ESRRG: variants seen among roughly 807,000 people sequenced by gnomAD.
ESRRG encodes estrogen-related receptor gamma.
Under a neutral mutation model 44.0 loss-of-function variants are expected in ESRRG, and 13 were observed. The observed-to-expected ratio is 0.30, with a 90% CI of 0.19 to 0.47. The LOEUF (loss-of-function observed/expected upper bound fraction) is 0.47. Ranked by LOEUF, ESRRG falls within the 20% of genes least tolerant of loss-of-function variation. ESRRG has a pLI of 1.00. For missense variants in ESRRG, 395 were observed against 580.6 expected (o/e 0.68, Z 3.29); for synonymous variants, 215 against 214.6 (o/e 1.00, Z -0.02).
intron 5 of ESRRG, among the ~76,000 whole-genome samples, chr1:216,519,672 C>T (rs945454): frequency 0.52 from 79,109 of 151,690 alleles, 21,991 homozygotes; most frequent in East Asian, 0.72. Flanking sequence ...AGAGATGTCG[C>T]TTTCTTTCAT....
chr1:216,758,058 T>C (rs759519915), intron 2 of ESRRG, among the ~76,000 whole-genome samples: 13 of 152,090 alleles, frequency 8.5e-5, no homozygotes, highest in Non-Finnish European at 1.5e-4. Flanking sequence ...GATGACTTGA[T>C]TCCTTAATAT....
intron 3 of ESRRG, among the ~76,000 whole-genome samples, chr1:216,576,452 G>C (rs544397615): frequency 6.6e-6 from 1 of 151,610 alleles, no homozygotes; most frequent in African/African-American, 2.4e-5. Context: ...GAAGTCTTTC[G>C]TTTTGGTCTC....
At chr1:216,994,683 G>A (rs561529023) in intron 1 of ESRRG, among the ~76,000 whole-genome samples, 4 of 152,094 alleles carry the variant, frequency 2.6e-5, no homozygotes, top group Non-Finnish European at 4.4e-5. Flanking sequence ...CAGGGTTCAC[G>A]CCATTCTCCT....
At chr1:216,874,817 G>T (rs1386802051) in intron 2 of ESRRG, among the ~76,000 whole-genome samples, 1 of 152,156 alleles carries the variant, frequency 6.6e-6, no homozygotes, top group Non-Finnish European at 1.5e-5. Flanking sequence ...AATAAAGCAG[G>T]CAGGAGAAGA....
intron 1 of ESRRG, among the ~76,000 whole-genome samples, chr1:216,983,263 G>A (rs1006734074): frequency 1.1e-4 from 17 of 151,366 alleles, no homozygotes; most frequent in African/African-American, 2.2e-4. Context: ...ACAGGGTCTC[G>A]CTCTGTTACC....
chr1:217,053,133 TAAAAAA>T (rs71303007), intron 1 of ESRRG, among the ~76,000 whole-genome samples: 8 of 119,030 alleles, frequency 6.7e-5, no homozygotes, highest in East Asian at 5.2e-4. Context: ...AATCCCATCT[TAAAAAA>T]AAAAAAAAAA....
chr1:216,821,429 T>C (rs2095285063), intron 2 of ESRRG, among the ~76,000 whole-genome samples: 1 of 152,068 alleles, frequency 6.6e-6, no homozygotes, highest in Non-Finnish European at 1.5e-5. Flanking sequence ...CTCCTGTCTG[T>C]AATCCCAGGG....
intron 2 of ESRRG, among the ~76,000 whole-genome samples, chr1:216,833,260 G>T (rs563638751): frequency 6.6e-6 from 1 of 151,368 alleles, no homozygotes; most frequent in East Asian, 1.9e-4. Context: ...TGTTATAAAA[G>T]AATTATTCAA....
intron 1 of ESRRG, among the ~76,000 whole-genome samples, chr1:216,960,314 G>A (rs1421618363): frequency 6.6e-6 from 1 of 152,100 alleles, no homozygotes; most frequent in Non-Finnish European, 1.5e-5. Flanking sequence ...TAAATAATGA[G>A]CATTGCCAAA....
At chr1:217,093,355 C>G (rs1201450118), upstream of ESRRG, among the ~76,000 whole-genome samples, 1 of 151,976 alleles carries the variant, frequency 6.6e-6, no homozygotes, top group Non-Finnish European at 1.5e-5. Flanking sequence ...GAACACTCAG[C>G]CTGGAGTGAG....
chr1:216,997,694 C>T (rs1173228626), intron 1 of ESRRG, among the ~76,000 whole-genome samples: 2 of 152,200 alleles, frequency 1.3e-5, no homozygotes, highest in Non-Finnish European at 2.9e-5. Context: ...TTCCTAAATA[C>T]TTTTGCTATT....
intron 5 of ESRRG, among the ~76,000 whole-genome samples, chr1:216,525,665 C>T (rs143292104): frequency 6.6e-6 from 1 of 151,944 alleles, no homozygotes; most frequent in Non-Finnish European, 1.5e-5. Context: ...TAATATAGGA[C>T]TCTAAAAAAT....
intron 1 of ESRRG, among the ~76,000 whole-genome samples, chr1:217,072,328 T>A (rs2090662343): frequency 6.6e-6 from 1 of 152,182 alleles, no homozygotes; most frequent in Admixed American, 6.5e-5. Flanking sequence ...CAGAAGAAAA[T>A]GTTGAAAACC....
intron 1 of ESRRG, among the ~76,000 whole-genome samples, chr1:216,958,415 T>C (rs1316678468): frequency 1.3e-5 from 2 of 152,206 alleles, no homozygotes; most frequent in Admixed American, 1.3e-4. Flanking sequence ...TTACGCTACA[T>C]ACTTGTAAGC....
intron 2 of ESRRG, among the ~76,000 whole-genome samples, chr1:216,796,463 C>CAG (rs1373744878): frequency 6.6e-6 from 1 of 152,170 alleles, no homozygotes; most frequent in Non-Finnish European, 1.5e-5. Flanking sequence ...AGAAAGAACC[C>CAG]ATTCACAGTT....
intron 2 of ESRRG, among the ~76,000 whole-genome samples, chr1:216,826,229 A>T (rs1450608838): frequency 6.6e-6 from 1 of 151,880 alleles, no homozygotes; most frequent in Admixed American, 6.6e-5. Flanking sequence ...ATAGGGACAT[A>T]CGGACGGCAT....
chr1:216,944,423 T>C (rs2065750805), intron 1 of ESRRG, among the ~76,000 whole-genome samples: 1 of 151,658 alleles, frequency 6.6e-6, no homozygotes, highest in South Asian at 2.1e-4. Flanking sequence ...AAATGAAAAA[T>C]TAAGAGAAAA....
intron 1 of ESRRG, among the ~76,000 whole-genome samples, chr1:216,684,823 A>G (rs191974148): frequency 1.7e-4 from 26 of 152,376 alleles, no homozygotes; most frequent in South Asian, 6.2e-4. Context: ...AATACCATTT[A>G]GTTTAAATAA....
intron 3 of ESRRG, among the ~76,000 whole-genome samples, chr1:216,599,958 T>C (rs1256584813): frequency 6.6e-6 from 1 of 152,218 alleles, no homozygotes; most frequent in Non-Finnish European, 1.5e-5. Context: ...CATTTCCCTG[T>C]TAATTAAAAC....
Sources: gnomAD v4.1 joint callset for allele counts (sites outside exome capture counted in the v4.1 genomes callset) on GRCh38, gnomAD v4.1.1 for gene constraint, MANE v1.5 for transcripts, NCBI Gene and HGNC (gene_info 2026-07-23, HGNC 2026-07-21) for gene names.